Variants in ERBB4 observed in about 807,000 individuals in gnomAD.
The protein encoded by ERBB4 is receptor tyrosine-protein kinase erbB-4.
Under a neutral mutation model 158.0 loss-of-function variants are expected in ERBB4, and 42 were observed. That is an observed-to-expected ratio of 0.27 (90% confidence interval 0.21 to 0.34). The LOEUF (loss-of-function observed/expected upper bound fraction) is 0.34. Ranked by LOEUF, ERBB4 falls within the 10% of genes least tolerant of loss-of-function variation. The pLI is 1.00. For missense variants in ERBB4, 1,333 were observed against 1,624.1 expected (o/e 0.82, Z 3.08); for synonymous variants, 583 against 558.7 (o/e 1.04, Z -0.61).
chr2:211,436,323 A>G (rs564011869), intron 20 of ERBB4, among the ~76,000 whole-genome samples: 1 of 152,336 alleles, frequency 6.6e-6, no homozygotes, highest in African/African-American at 2.4e-5. Context: ...TATTTTGGTC[A>G]CAGAGAATGC....
At chr2:212,443,178 CA>C (rs1314558386) in intron 1 of ERBB4, among the ~76,000 whole-genome samples, 2 of 152,186 alleles carry the variant, frequency 1.3e-5, no homozygotes, top group East Asian at 3.8e-4. Context: ...TGTCCTACCT[CA>C]GGGGTTTATC....
rs560154023 is a variant in ERBB4 at position 211,513,232 on chromosome 2, T to C, written c.2487+48671A>G. Reference sequence around the variant, plus strand: ...TTACAAGTTTTTAGTGAGAGTGCAATGGAAATAACAAATCAGGCTGAGGCA... The same window carrying C: ...TTACAAGTTTTTAGTGAGAGTGCAACGGAAATAACAAATCAGGCTGAGGCA... On this transcript the variant is annotated intron_variant, in intron 20 of 27. Coordinates refer to ENST00000342788, the MANE Select transcript of ERBB4 (RefSeq NM_005235.3). Among the ~76,000 whole-genome samples, 3 of 151,510 alleles carry C rather than the reference T, an allele frequency of 2.0e-5. 1 individual carries two copies. In the South Asian group the frequency reaches 6.3e-4, roughly 32 times the overall value.
At chr2:211,460,118 A>T (rs1223858564) in intron 20 of ERBB4, among the ~76,000 whole-genome samples, 1 of 123,852 alleles carries the variant, frequency 8.1e-6, no homozygotes, top group Non-Finnish European at 1.9e-5. Context: ...GACTTTCAGG[A>T]ATGCTTTAAA....
intron 3 of ERBB4, among the ~76,000 whole-genome samples, chr2:211,927,338 T>C (rs964707542): frequency 1.3e-5 from 2 of 152,180 alleles, no homozygotes; most frequent in African/African-American, 2.4e-5. Context: ...CTGGTTAATG[T>C]GAAAACTTTA....
chr2:211,505,713 C>T (rs1301177045), intron 20 of ERBB4, among the ~76,000 whole-genome samples: 1 of 152,170 alleles, frequency 6.6e-6, no homozygotes, highest in South Asian at 2.1e-4. Flanking sequence ...GTAATCCCAG[C>T]ACTTTGGGAG....
At chr2:211,646,486 A>T (rs1018980619) in intron 16 of ERBB4, among the ~76,000 whole-genome samples, 1 of 151,624 alleles carries the variant, frequency 6.6e-6, no homozygotes, top group Non-Finnish European at 1.5e-5. Flanking sequence ...TTACATAAGT[A>T]CATTCAGAAG....
At chr2:212,498,182 G>A in intron 1 of ERBB4, among the ~76,000 whole-genome samples, 1 of 151,800 alleles carries the variant, frequency 6.6e-6, no homozygotes, top group Non-Finnish European at 1.5e-5. Context: ...TGAGTGTAAA[G>A]ATTTTGTAAT....
intron 20 of ERBB4, among the ~76,000 whole-genome samples, chr2:211,548,473 G>T (rs1399862676): frequency 6.6e-6 from 1 of 152,022 alleles, no homozygotes; most frequent in East Asian, 1.9e-4. Context: ...ATCACAAGAG[G>T]TATACGACCT....
intron 1 of ERBB4, among the ~76,000 whole-genome samples, chr2:212,462,475 T>TACA (rs1275579215): frequency 6.6e-6 from 1 of 152,082 alleles, no homozygotes; most frequent in African/African-American, 2.4e-5. Flanking sequence ...AGAGATGACA[T>TACA]ACAAATGGCA....
intron 1 of ERBB4, among the ~76,000 whole-genome samples, chr2:212,125,664 G>A (rs894020522): frequency 6.6e-6 from 1 of 152,128 alleles, no homozygotes; most frequent in African/African-American, 2.4e-5. Flanking sequence ...AATAAGAACT[G>A]CAGTATTTGG....
At chr2:211,565,609 T>C (rs1172897651) in intron 19 of ERBB4, among the ~76,000 whole-genome samples, 1 of 152,100 alleles carries the variant, frequency 6.6e-6, no homozygotes, top group Admixed American at 6.6e-5. Context: ...TGGGAGGACA[T>C]TATCCCCTTT....
At chr2:212,172,372 T>C (rs2081543916) in intron 1 of ERBB4, among the ~76,000 whole-genome samples, 1 of 152,086 alleles carries the variant, frequency 6.6e-6, no homozygotes, top group Non-Finnish European at 1.5e-5. Context: ...CTCAAAGACC[T>C]AGAGGCAGAA....
intron 1 of ERBB4, among the ~76,000 whole-genome samples, chr2:212,313,670 T>C (rs2087145881): frequency 1.3e-5 from 2 of 151,056 alleles, no homozygotes; most frequent in Non-Finnish European, 3.0e-5. Context: ...ATGAAATCTC[T>C]TAGAATGGCA....
At chr2:211,717,526 T>C (rs1343086146) in intron 7 of ERBB4, among the ~76,000 whole-genome samples, 3 of 152,146 alleles carry the variant, frequency 2.0e-5, no homozygotes, top group Non-Finnish European at 4.4e-5. Context: ...TTCAAAGCCT[T>C]TTTAAATAAT....
chr2:212,485,185 G>C (rs1689906490), intron 1 of ERBB4, among the ~76,000 whole-genome samples: 2 of 152,048 alleles, frequency 1.3e-5, no homozygotes, highest in South Asian at 4.1e-4. Context: ...GGAGTTCCAG[G>C]AAATACCCTA....
chr2:212,031,336 C>T (rs2125349589), intron 2 of ERBB4, among the ~76,000 whole-genome samples: 1 of 152,232 alleles, frequency 6.6e-6, no homozygotes, highest in Non-Finnish European at 1.5e-5. Context: ...TATATATCAA[C>T]CTGTCATTCT....
At chr2:212,174,243 C>G (rs1452896399) in intron 1 of ERBB4, among the ~76,000 whole-genome samples, 1 of 152,026 alleles carries the variant, frequency 6.6e-6, no homozygotes, top group Non-Finnish European at 1.5e-5. Context: ...GATTTTTCAG[C>G]TTAATGCTAT....
At chr2:211,465,018 A>C (rs1381711797) in intron 20 of ERBB4, among the ~76,000 whole-genome samples, 1 of 145,002 alleles carries the variant, frequency 6.9e-6, no homozygotes, top group South Asian at 2.1e-4. Context: ...TTCCTCTGCT[A>C]CCCAGGCTGC....
At chr2:211,577,822 A>C (rs1316301956) in intron 19 of ERBB4, among the ~76,000 whole-genome samples, 2 of 152,204 alleles carry the variant, frequency 1.3e-5, no homozygotes, top group Admixed American at 6.5e-5. Context: ...CAAAATAATA[A>C]GAGACATTTA....
Sources: allele counts gnomAD v4.1 joint callset (sites outside exome capture counted in the v4.1 genomes callset), GRCh38; gene constraint gnomAD v4.1.1; transcripts MANE v1.5; gene names NCBI Gene and HGNC (gene_info 2026-07-23, HGNC 2026-07-21).